The following RNF17 variants were observed in gnomAD, a reference collection of about 807,000 sequenced individuals.
RNF17 encodes spermatogenesis associated 23.
In RNF17, 31 loss-of-function variants were observed where a neutral mutation model predicts 200.5. The ratio of observed to expected loss-of-function variants is 0.15; its 90% confidence interval spans 0.12 to 0.21. The LOEUF (loss-of-function observed/expected upper bound fraction) is 0.21. Among genes scored for constraint, RNF17 ranks in the 10% least tolerant of loss-of-function variants. The probability of loss-of-function intolerance (pLI) is 1.00; values close to 1 mark genes in which losing one functional copy is unlikely to be tolerated. For missense variants in RNF17, 1,628 were observed against 1,905.1 expected, an observed-to-expected ratio of 0.85 and a Z score of 2.71; for synonymous variants, 606 against 637.8, an observed-to-expected ratio of 0.95 and a Z score of 0.75.
At chr13:24,768,946 C>A (rs1880218463) in intron 2 of RNF17, among the ~76,000 whole-genome samples, 1 of 149,926 alleles carries the variant, frequency 6.7e-6, no homozygotes. Flanking sequence ...CAAAAAATTA[C>A]ATATTAGTAG....
At chr13:24,853,518 T>TA (rs1892158957) in intron 24 of RNF17, among the ~76,000 whole-genome samples, 2 of 152,134 alleles carry the variant, frequency 1.3e-5, no homozygotes, top group Admixed American at 6.5e-5. Context: ...ATGTCTGTTC[T>TA]ATGTGTGGAC....
At chr13:24,843,571 G>A (rs1890913338) in intron 19 of RNF17, among the ~76,000 whole-genome samples, 173 bp from the exon 20 acceptor site, 1 of 152,030 alleles carries the variant, frequency 6.6e-6, no homozygotes, top group African/African-American at 2.4e-5. Context: ...TAAAGTGAGG[G>A]TTATTGAAGT....
intron 2 of RNF17, among the ~76,000 whole-genome samples, chr13:24,768,292 T>TG (rs1386208850): frequency 1.3e-5 from 2 of 150,832 alleles, no homozygotes. Context: ...AATTCCTTTT[T>TG]TTTTTTTTTT....
intron 3 of RNF17, 41 bp downstream of exon 3, chr13:24,774,945 G>GTGC: frequency 8.0e-7 from 1 of 1,247,236 alleles, no homozygotes; most frequent in South Asian, 1.3e-5. Context: ...TAAAGTCAAT[G>GTGC]TGTTACTGAA....
Position 24,877,188 on chromosome 13 carries a change from T to C in RNF17, c.4773+2T>C, listed in dbSNP as rs1315456348. On this transcript the variant is annotated splice_donor_variant, in intron 34 of 35. Coordinates refer to ENST00000255324, the MANE Select transcript of RNF17 (RefSeq NM_031277.3). LOFTEE classifies it high-confidence loss of function. ...AAACAACTCTATGCTGTGTCCATGGTAAGTGTCTCAAGTAGCCAAAATTAT... is the reference window on the plus strand; with the variant it reads ...AAACAACTCTATGCTGTGTCCATGGCAAGTGTCTCAAGTAGCCAAAATTAT... 1.2e-6 allele frequency: 2 copies of C among 1,606,952 alleles called. No individual in the cohort carries two copies. The highest frequency in any genetic ancestry group is 1.7e-6 in the Non-Finnish European group (2 of 1,178,082).
At chr13:24,780,882 CA>C (rs1160980881) in intron 5 of RNF17, among the ~76,000 whole-genome samples, 1,539 of 141,198 alleles carry the variant, frequency 0.011, 37 homozygotes, top group African/African-American at 0.037. Flanking sequence ...ACTCCGTTTC[CA>C]AAAAAAAAAA....
At chr13:24,794,989 G>C (rs1402208822) in intron 10 of RNF17, among the ~76,000 whole-genome samples, 1 of 152,194 alleles carries the variant, frequency 6.6e-6, no homozygotes, top group African/African-American at 2.4e-5. Flanking sequence ...AAAGTGCCGG[G>C]ATTATAGGCG....
At chr13:24,791,645 G>A (rs2137643411) in intron 9 of RNF17, among the ~76,000 whole-genome samples, 1 of 152,252 alleles carries the variant, frequency 6.6e-6, no homozygotes, top group African/African-American at 2.4e-5. Context: ...GTCTCCAATG[G>A]AAATGGTCCC....
At chr13:24,871,535 C>T (rs1271777575) in intron 32 of RNF17, among the ~76,000 whole-genome samples, 1 of 151,554 alleles carries the variant, frequency 6.6e-6, no homozygotes, top group African/African-American at 2.4e-5. Flanking sequence ...ATGGGGTTTC[C>T]CCATGTTAGC....
chr13:24,868,585 T>C lies in RNF17; in HGVS notation c.4162-15T>C, dbSNP rs779267677. On this transcript the variant is annotated splice_polypyrimidine_tract_variant and intron_variant, in intron 30 of 35. Coordinates refer to ENST00000255324, the MANE Select transcript of RNF17 (RefSeq NM_031277.3). ...GTCCTTATTCTGAAATTTGAATTTT[T>C]CTGTGGTGTTTTAGGAATTGCTTTC... is the stretch of plus-strand genomic sequence containing the variant. 14 of 1,371,292 alleles carry C rather than the reference T, an allele frequency of 1.0e-5. No individual in the cohort carries two copies. In the South Asian group the frequency reaches 1.5e-4, roughly 15 times the overall value. The allele number at this position is 1,371,292 out of a possible 1,614,324, so 84.9% of individuals were successfully genotyped here.
In RNF17 at chr13:24,811,626, CCTT is replaced by C. The variant is rs1202769203; in HGVS notation, c.2091+7203_2091+7205del. On this transcript the variant is annotated intron_variant, in intron 15 of 35. Coordinates refer to ENST00000255324, the MANE Select transcript of RNF17 (RefSeq NM_031277.3). ...CTCGGAGTAATTTGATCGTCTGAAG[CCTT>C]CTTCTCTCAGGTCGTCAAAGTCATT... Among the ~76,000 whole-genome samples the C allele has an allele frequency of 2.6e-5, 4 of 152,290 alleles. No individual in the cohort carries two copies. In the South Asian group the frequency reaches 6.2e-4, roughly 24 times the overall value.
chr13:24,769,845 T>G (rs1880399410), intron 2 of RNF17, among the ~76,000 whole-genome samples: 1 of 152,200 alleles, frequency 6.6e-6, no homozygotes, highest in Non-Finnish European at 1.5e-5. Flanking sequence ...TGAGTTTGGG[T>G]GAATGTGCAT....
At chr13:24,848,306 T>C (rs995610129) in intron 22 of RNF17, among the ~76,000 whole-genome samples, 2 of 152,180 alleles carry the variant, frequency 1.3e-5, no homozygotes, top group African/African-American at 4.8e-5. Flanking sequence ...TTAGGTTGAT[T>C]AAATATATAT....
At chr13:24,749,514 C>A in the RNF17 span, among the ~76,000 whole-genome samples, 2 of 152,066 alleles carry the variant, frequency 1.3e-5, no homozygotes, top group African/African-American at 4.8e-5. Flanking sequence ...ATTTTAGAAT[C>A]AATTTCCCTT....
In RNF17 at chr13:24,793,358, T is replaced by C. The variant is rs1287126866; in HGVS notation, c.1240+12T>C. ...AGACAACGTGGAAAGTAAGTTAAAA[T>C]GTAAAAGCAGAGGGGAAAGATCTTG... On this transcript the variant is annotated intron_variant, in intron 10 of 35. Transcript: ENST00000255324. 6.4e-7 allele frequency: 1 copy of C among 1,570,412 alleles called. No homozygotes were observed. Among genetic ancestry groups the C allele is most frequent in the East Asian group, 2.2e-5 (1 of 44,572 alleles).
chr13:24,781,993 T>G lies in RNF17; in HGVS notation c.611+49T>G, dbSNP rs1882442605. On this transcript the variant is annotated intron_variant, in intron 6 of 35. Transcript: ENST00000255324. ...TCAATGAAACTGAAGTTTCTAACAC[T>G]AACTTGTCATTGTATTCCTTTGTTT... 4.4e-6 allele frequency: 5 copies of G among 1,135,488 alleles called. No individual in the cohort carries two copies. The South Asian group carries it at 5.1e-5, about 12-fold the overall frequency. 70.3% of individuals were successfully genotyped at this position (1,135,488 alleles called of 1,614,324 possible).
the RNF17 span, among the ~76,000 whole-genome samples, chr13:24,758,972 C>T: frequency 3.6e-3 from 533 of 146,758 alleles, no homozygotes; most frequent in Non-Finnish European, 6.0e-3. Context: ...GCTACTTACT[C>T]GGGAGGCTGA....
At chr13:24,866,241 C>T in intron 30 of RNF17, 38 bp downstream of exon 30, 1 of 1,119,986 alleles carries the variant, frequency 8.9e-7, no homozygotes, top group Non-Finnish European at 1.3e-6. Context: ...ACTTTGGACA[C>T]TTCATTAATA....
chr13:24,868,131 T>C (rs867366248), intron 30 of RNF17, among the ~76,000 whole-genome samples: 14 of 152,192 alleles, frequency 9.2e-5, no homozygotes, highest in African/African-American at 3.4e-4. Context: ...TCATCACATT[T>C]TGGTCCTACT....
Sources: allele counts gnomAD v4.1 joint callset (sites outside exome capture counted in the v4.1 genomes callset), GRCh38; gene constraint gnomAD v4.1.1; transcripts MANE v1.5; gene names NCBI Gene and HGNC (gene_info 2026-07-23, HGNC 2026-07-21).